Variants in ARHGAP26 observed in about 807,000 individuals in gnomAD.
The protein encoded by ARHGAP26 is rho GTPase-activating protein 26.
A neutral mutation model predicts 104.8 loss-of-function variants in ARHGAP26; 38 were observed. That is an observed-to-expected ratio of 0.36 (90% confidence interval 0.28 to 0.48). ARHGAP26 has a LOEUF of 0.48. ARHGAP26 is among the 20% of genes least tolerant of loss of function. The pLI, the probability that ARHGAP26 is intolerant of heterozygous loss-of-function variation, is 0.99. For missense variants in ARHGAP26, 704 were observed against 947.9 expected (o/e 0.74, Z 3.38); for synonymous variants, 341 against 340.0 (o/e 1.00, Z -0.03).
intron 17 of ARHGAP26, among the ~76,000 whole-genome samples, chr5:143,087,136 A>G (rs139940891): frequency 1.3e-5 from 2 of 152,330 alleles, no homozygotes; most frequent in African/African-American, 4.8e-5. Context: ...GAGTGTAGTC[A>G]CTACCTCTTT....
intron 17 of ARHGAP26, among the ~76,000 whole-genome samples, chr5:143,105,545 T>C (rs2150664771): frequency 6.6e-6 from 1 of 152,270 alleles, no homozygotes; most frequent in Admixed American, 6.5e-5. Context: ...GAATCATATG[T>C]GGGTGTATAT....
In ARHGAP26 at chr5:142,855,255, A is replaced by G. The variant is rs538289628; in HGVS notation, c.155-18145A>G. On this transcript the variant is annotated intron_variant, in intron 1 of 22. Coordinates refer to ENST00000645722, the MANE Select transcript of ARHGAP26 (RefSeq NM_001135608.3). ...GCAGGGGTGGGAAGACAGAGAGCAT[A>G]TTTGTGTTTGTGAAGCTGTTTTTCT... 1.5e-4 allele frequency among the ~76,000 whole-genome samples: 23 copies of G among 152,278 alleles called. No homozygotes were observed. The South Asian group carries it at 4.6e-3, about 30-fold the overall frequency.
intron 11 of ARHGAP26, among the ~76,000 whole-genome samples, chr5:142,993,324 C>T (rs10052788): frequency 0.096 from 14,566 of 152,016 alleles, 1,265 homozygotes; most frequent in African/African-American, 0.23. Flanking sequence ...CGCCCGCCAC[C>T]GCGCCCGGCT....
At chr5:143,109,442 TTTTG>T (rs1794487524) in intron 17 of ARHGAP26, among the ~76,000 whole-genome samples, 2 of 152,076 alleles carry the variant, frequency 1.3e-5, no homozygotes. Flanking sequence ...TCTTTTTGGT[TTTTG>T]TTTGTTTTTG....
chr5:143,160,004 A>T (rs1599294144), intron 20 of ARHGAP26, among the ~76,000 whole-genome samples: 2 of 151,426 alleles, frequency 1.3e-5, no homozygotes, highest in East Asian at 1.9e-4. Context: ...TTTTGAAATG[A>T]CCATTCATTC....
chr5:142,998,977 C>T (rs1329444588), intron 11 of ARHGAP26, among the ~76,000 whole-genome samples: 1 of 152,116 alleles, frequency 6.6e-6, no homozygotes, highest in Non-Finnish European at 1.5e-5. Flanking sequence ...TGAGATGTTA[C>T]CATCCTAATG....
At chr5:143,036,159 G>A (rs1782612794) in intron 12 of ARHGAP26, among the ~76,000 whole-genome samples, 3 of 152,216 alleles carry the variant, frequency 2.0e-5, no homozygotes, top group Non-Finnish European at 2.9e-5. Flanking sequence ...TGAGATGACC[G>A]CAAATCATCT....
At chr5:143,091,701 A>G (rs972929208) in intron 17 of ARHGAP26, among the ~76,000 whole-genome samples, 1 of 152,198 alleles carries the variant, frequency 6.6e-6, no homozygotes, top group Admixed American at 6.5e-5. Flanking sequence ...TAAGATTTTT[A>G]TAGACTCTTT....
intron 17 of ARHGAP26, among the ~76,000 whole-genome samples, chr5:143,076,159 ATTTTTT>A (rs368079758): frequency 1.3e-3 from 148 of 109,980 alleles, no homozygotes; most frequent in Middle Eastern, 5.7e-3. Context: ...GACCTGGCTA[ATTTTTT>A]TTTTTTTTTT....
At chr5:142,817,941 T>C (rs1287648300) in intron 1 of ARHGAP26, among the ~76,000 whole-genome samples, 5 of 152,148 alleles carry the variant, frequency 3.3e-5, no homozygotes, top group Admixed American at 6.5e-5. Flanking sequence ...TTTGACAGCT[T>C]TGTTGTCTTC....
At chr5:143,053,398 G>A (rs940938671) in intron 14 of ARHGAP26, among the ~76,000 whole-genome samples, 3 of 152,158 alleles carry the variant, frequency 2.0e-5, no homozygotes, top group Admixed American at 1.3e-4. Context: ...CTAGTCTTTA[G>A]CCAGTATGAG....
intron 1 of ARHGAP26, among the ~76,000 whole-genome samples, chr5:142,833,649 G>A (rs1053017118): frequency 6.6e-6 from 1 of 152,144 alleles, no homozygotes; most frequent in Non-Finnish European, 1.5e-5. Context: ...CCTACCTACC[G>A]CTGATATTTG....
At chr5:143,188,016 A>C (rs1030030876) in intron 20 of ARHGAP26, among the ~76,000 whole-genome samples, 2 of 152,208 alleles carry the variant, frequency 1.3e-5, no homozygotes, top group Non-Finnish European at 2.9e-5. Context: ...ACACCAGCCC[A>C]GTCTGATCCC....
chr5:143,003,851 T>G lies in ARHGAP26; in HGVS notation c.1108-10229T>G, dbSNP rs73796700. ...TGTTGAATGATTATCTAAGGGCGCA[T>G]AGTTCAAAAGTGGTAGAACCAGGTG... On this transcript the variant is annotated intron_variant, in intron 11 of 22. Coordinates refer to ENST00000645722, the MANE Select transcript of ARHGAP26 (RefSeq NM_001135608.3). 7.1e-4 allele frequency among the ~76,000 whole-genome samples: 108 copies of G among 152,258 alleles called. 1 individual carries two copies. The highest frequency in any genetic ancestry group is 2.4e-3 in the African/African-American group (99 of 41,560).
chr5:143,037,099 C>A, intron 12 of ARHGAP26, 97 bp from the exon 13 acceptor site: 2 of 775,924 alleles, frequency 2.6e-6, no homozygotes, highest in African/African-American at 1.7e-5. Flanking sequence ...GATATGTGAC[C>A]ACAGCATGCG....
intron 17 of ARHGAP26, among the ~76,000 whole-genome samples, chr5:143,069,486 A>C (rs764590017): frequency 9.2e-5 from 14 of 152,196 alleles, no homozygotes; most frequent in Non-Finnish European, 1.8e-4. Flanking sequence ...TAACATTCCT[A>C]GTAAAAAGAG....
chr5:143,029,085 A>C (rs1234124170), intron 12 of ARHGAP26, among the ~76,000 whole-genome samples: 1 of 152,150 alleles, frequency 6.6e-6, no homozygotes, highest in Non-Finnish European at 1.5e-5. Context: ...GGGGCTTCAC[A>C]TGATTAGGGG....
rs149739096 is a variant in ARHGAP26, at chr5:142,903,521, A to G, written c.703-19A>G. 2.4e-4 allele frequency: 386 copies of G among 1,610,536 alleles called. 1 individual carries two copies. In the East Asian group the frequency reaches 8.3e-3, roughly 35 times the overall value. On this transcript the variant is annotated intron_variant, in intron 7 of 22. Coordinates refer to ENST00000645722, the MANE Select transcript of ARHGAP26 (RefSeq NM_001135608.3). The stretch of plus-strand genomic sequence containing the variant: ...GATACTTTGTTTCTTTGATTTGAAT[A>G]AAATTATTTTCATCCTAGACAAGAA...
intron 18 of ARHGAP26, among the ~76,000 whole-genome samples, chr5:143,131,966 G>A (rs1797405476): frequency 6.6e-6 from 1 of 152,178 alleles, no homozygotes; most frequent in Non-Finnish European, 1.5e-5. Context: ...GATGTTTATA[G>A]CACTGGTAAA....
Sources: gnomAD v4.1 joint callset for allele counts (sites outside exome capture counted in the v4.1 genomes callset) on GRCh38, gnomAD v4.1.1 for gene constraint, MANE v1.5 for transcripts, NCBI Gene and HGNC (gene_info 2026-07-23, HGNC 2026-07-21) for gene names.